HTR6: variants seen among roughly 807,000 people sequenced by gnomAD.
HTR6 encodes 5-hydroxytryptamine receptor 6.
A neutral mutation model predicts 17.4 loss-of-function variants in HTR6; 15 were observed. The observed-to-expected ratio is 0.86, with a 90% confidence interval of 0.58 to 1.33. The LOEUF is 1.33. HTR6 is among the 40% of genes most tolerant of loss of function. HTR6 has a pLI of 0.00. For synonymous variants in HTR6, 326 were observed against 295.5 expected, an observed-to-expected ratio of 1.10 and a Z score of -1.06; for missense variants, 578 against 616.0, an observed-to-expected ratio of 0.94 and a Z score of 0.65.
rs149341177 is a variant in HTR6 at position 19,668,674 on chromosome 1, C to T, written c.714+2207C>T. Among the ~76,000 whole-genome samples, 120 of 152,268 alleles carry T rather than the reference C, an allele frequency of 7.9e-4. 2 individuals carry two copies. Among genetic ancestry groups the T allele is most frequent in the East Asian group, 7.7e-3 (40 of 5,182 alleles). On this transcript the variant is annotated intron_variant, in intron 1 of 2. Transcript: ENST00000289753. ...GCCTCGAGCTCCCACTTCAGCCTCC[C>T]GAGTAGCTGGAATTGCAGGTGCATG...
chr1:19,676,992 C>T (rs2095095230), intron 1 of HTR6, among the ~76,000 whole-genome samples: 1 of 152,180 alleles, frequency 6.6e-6, no homozygotes, highest in Non-Finnish European at 1.5e-5. Context: ...TAGAGGTGGG[C>T]CTAATTTTGT....
In HTR6 at chr1:19,679,759, C is replaced by T. The variant is rs1473755096; in HGVS notation, c.*391C>T. ...AGGCATGGATTAATGCTGGGCTGAA[C>T]CCCTTGCTACTCACAGTGTAGTCCA... On this transcript the variant is annotated 3_prime_UTR_variant, in exon 3 of 3. Coordinates refer to ENST00000289753, the MANE Select transcript of HTR6 (RefSeq NM_000871.3). This position sits in a 1 kb window ranked among gnomAD's most constrained non-coding sequence, Gnocchi z 4.9. Among the ~76,000 whole-genome samples, 3 of 152,222 alleles carry T rather than the reference C, an allele frequency of 2.0e-5. No individual in the cohort carries two copies. Among genetic ancestry groups the T allele is most frequent in the Non-Finnish European group, 2.9e-5 (2 of 68,036 alleles).
At position 19,679,460 on chromosome 1, in the gene HTR6, G is replaced by A; in HGVS notation, c.*92G>A. 1 of 1,436,364 alleles carries A rather than the reference G, an allele frequency of 7.0e-7. No individual in the cohort carries two copies. Among genetic ancestry groups the A allele is most frequent in the Non-Finnish European group, 9.1e-7 (1 of 1,094,436 alleles). 89.0% of individuals were successfully genotyped at this position (1,436,364 alleles called of 1,614,324 possible). ...AGCTCTTGGCTAAGACCAGGAGGCT[G>A]CAAGTCTCCTAGAAGCCCTCTGAGC... On this transcript the variant is annotated 3_prime_UTR_variant, in exon 3 of 3. Coordinates refer to ENST00000289753, the MANE Select transcript of HTR6 (RefSeq NM_000871.3). This position sits in a 1 kb window ranked among gnomAD's most constrained non-coding sequence, Gnocchi z 4.9.
Position 19,665,986 on chromosome 1 carries a change from T to C in HTR6, c.233T>C (p.Val78Ala), listed in dbSNP as rs1425119943. ...ACGTCTGACCTGATGGTGGGGCTGG[T>C]GGTGATGCCGCCGGCCATGCTGAAC... Reference protein sequence around the residue: ...LFTSDLMVGLVVMPPAMLNAL... With the variant: ...LFTSDLMVGLAVMPPAMLNAL... Residue 78 changes from valine (V) to alanine (A), a missense_variant, in exon 1 of 3, where the codon GTG (valine) becomes GCG (alanine). Coordinates refer to ENST00000289753, the MANE Select transcript of HTR6 (RefSeq NM_000871.3). The surrounding 1 kb of genome is among the most constrained non-coding windows in gnomAD (Gnocchi z 4.2). 9 of 1,613,804 alleles carry C rather than the reference T, an allele frequency of 5.6e-6. No individual in the cohort carries two copies. Among genetic ancestry groups the C allele is most frequent in the African/African-American group, 2.7e-5 (2 of 74,944 alleles).
intron 1 of HTR6, among the ~76,000 whole-genome samples, chr1:19,668,326 A>G (rs776763269): frequency 2.0e-5 from 3 of 152,084 alleles, no homozygotes; most frequent in Admixed American, 6.6e-5. Context: ...TGGCGTGATT[A>G]TAGCTCACTG....
intron 1 of HTR6, among the ~76,000 whole-genome samples, chr1:19,671,831 C>T (rs546190708): frequency 6.7e-4 from 102 of 152,120 alleles, no homozygotes; most frequent in Non-Finnish European, 1.2e-3. Flanking sequence ...TTTAAAAGGC[C>T]ACTGGTTGGC....
chr1:19,673,701 AAAATAAAT>A (rs1432802343), intron 1 of HTR6, among the ~76,000 whole-genome samples: 1 of 152,198 alleles, frequency 6.6e-6, no homozygotes, highest in Admixed American at 6.5e-5. Context: ...TTCGTCTCAA[AAAATAAAT>A]AAATAAATAA....
In HTR6 at chr1:19,666,278, C is replaced by A; in HGVS notation, c.525C>A (p.Pro175=). The A allele has an allele frequency of 6.2e-7, 1 of 1,611,300 alleles. No homozygotes were observed. The change falls in exon 1 of 3, where the codon CCC becomes CCA. Residue 175 remains proline, a synonymous_variant. Transcript: ENST00000289753. The surrounding 1 kb of genome is among the most constrained non-coding windows in gnomAD (Gnocchi z 4.5). ...ACGAGCTGGGCCACGCACGGCCACC[C>A]GTCCCTGGCCAGTGCCGCCTGCTGG... ...GWHELGHARP[P]VPGQCRLLAS...
At chr1:19,668,913 G>T (rs2095084690) in intron 1 of HTR6, among the ~76,000 whole-genome samples, 2 of 152,216 alleles carry the variant, frequency 1.3e-5, no homozygotes, top group Non-Finnish European at 2.9e-5. Flanking sequence ...TGGTTGAGGT[G>T]ATGAGCCTAG....
At position 19,678,616 on chromosome 1, in the gene HTR6, T is replaced by C. The variant is rs781284440; in HGVS notation, c.764T>C (p.Leu255Pro). Residue 255 changes from leucine (L) to proline (P), a missense_variant, in exon 2 of 3, where the codon CTA (leucine) becomes CCA (proline). Leu to Pro is a moderately conservative substitution (Grantham distance 98). Coordinates refer to ENST00000289753, the MANE Select transcript of HTR6 (RefSeq NM_000871.3). Reference protein sequence around the residue: ...PGVESADSRRLATKHSRKALK... With the variant: ...PGVESADSRRPATKHSRKALK... Reference sequence around the variant, plus strand: ...GTGGAGTCTGCTGACAGCAGGCGTCTAGCCACGAAGCACAGCAGGAAGGCC... The same window carrying C: ...GTGGAGTCTGCTGACAGCAGGCGTCCAGCCACGAAGCACAGCAGGAAGGCC... The C allele has an allele frequency of 1.1e-5, 18 of 1,613,314 alleles. No homozygotes were observed. Among genetic ancestry groups the C allele is most frequent in the Non-Finnish European group, 1.4e-5 (16 of 1,180,012 alleles).
In HTR6 at chr1:19,665,044, G is replaced by T. The variant is rs554262393; in HGVS notation, c.-710G>T. Among the ~76,000 whole-genome samples the T allele has an allele frequency of 7.9e-5, 12 of 151,518 alleles. No individual in the cohort carries two copies. In the South Asian group the frequency reaches 2.5e-3, roughly 31 times the overall value. Reference sequence around the variant, plus strand: ...GCCAGAGCGCCCCAGGTACCAGTGCGGGCGGGAGACGGAGGCGACCCTGCT... The same window carrying T: ...GCCAGAGCGCCCCAGGTACCAGTGCTGGCGGGAGACGGAGGCGACCCTGCT... On this transcript the variant is annotated 5_prime_UTR_variant, in exon 1 of 3. Transcript: ENST00000289753. The surrounding 1 kb of genome is among the most constrained non-coding windows in gnomAD (Gnocchi z 4.2).
rs142999316 is a variant in HTR6, at chr1:19,668,044, C to T, written c.714+1577C>T. Among the ~76,000 whole-genome samples the T allele has an allele frequency of 8.3e-3, 1,264 of 152,284 alleles. 14 individuals carry two copies. Among genetic ancestry groups the T allele is most frequent in the Non-Finnish European group, 0.014 (925 of 68,008 alleles). ...CCTGTCCCACCCAGGTGGGTGAGGCCCAAAGTTGCCCCTGCCTATCACCTG... is the reference window on the plus strand; with the variant it reads ...CCTGTCCCACCCAGGTGGGTGAGGCTCAAAGTTGCCCCTGCCTATCACCTG... On this transcript the variant is annotated intron_variant, in intron 1 of 2. Coordinates refer to ENST00000289753, the MANE Select transcript of HTR6 (RefSeq NM_000871.3).
At chr1:19,675,696 G>T (rs2095093360) in intron 1 of HTR6, among the ~76,000 whole-genome samples, 1 of 152,048 alleles carries the variant, frequency 6.6e-6, no homozygotes. Context: ...CCCTCCTCAG[G>T]TCACTAAGGG....
chr1:19,672,401 T>TTCC (rs200380142), intron 1 of HTR6, among the ~76,000 whole-genome samples: 2 of 151,408 alleles, frequency 1.3e-5, no homozygotes, highest in Non-Finnish European at 3.0e-5. Context: ...ATCTCTGTCT[T>TTCC]TCCTCCTCCT....
chr1:19,665,657 T>C lies in HTR6; in HGVS notation c.-97T>C, dbSNP rs2095080423. The C allele has an allele frequency of 1.2e-6, 1 of 805,828 alleles. No individual in the cohort carries two copies. Among genetic ancestry groups the C allele is most frequent in the Non-Finnish European group, 1.9e-6 (1 of 522,706 alleles). The allele number at this position is 805,828 out of a possible 1,614,324, so 49.9% of individuals were successfully genotyped here. ...GGGGGGCGTGGTGAGTCGCGGTCTGTTCTCACGGACGGTCCCCGTCCAGCC... is the reference window on the plus strand; with the variant it reads ...GGGGGGCGTGGTGAGTCGCGGTCTGCTCTCACGGACGGTCCCCGTCCAGCC... On this transcript the variant is annotated 5_prime_UTR_variant, in exon 1 of 3. Transcript: ENST00000289753. This position sits in a 1 kb window ranked among gnomAD's most constrained non-coding sequence, Gnocchi z 4.2.
In HTR6 at chr1:19,666,217, C is replaced by T; in HGVS notation, c.464C>T (p.Ala155Val). The T allele has an allele frequency of 6.2e-7, 1 of 1,609,214 alleles. No individual in the cohort carries two copies. Among genetic ancestry groups the T allele is most frequent in the Non-Finnish European group, 8.5e-7 (1 of 1,179,628 alleles). The change falls in exon 1 of 3, where the codon GCT becomes GTT. Residue 155 changes from alanine (A) to valine (V), a missense_variant. Coordinates refer to ENST00000289753, the MANE Select transcript of HTR6 (RefSeq NM_000871.3). This position sits in a 1 kb window ranked among gnomAD's most constrained non-coding sequence, Gnocchi z 4.5. ...GTCCTGGGCGCCTGGAGCCTCGCCG[C>T]TCTCGCCTCCTTCCTGCCCCTGCTG... ...ALVLGAWSLAALASFLPLLLG... is the reference protein window; with the variant it reads ...ALVLGAWSLAVLASFLPLLLG...
In HTR6 at chr1:19,666,616, G is replaced by A. The variant is rs1054103007; in HGVS notation, c.714+149G>A. ...GCCCACCTTTCTTCTGAACTCCAGA[G>A]CCAATGCCTGACCCACCCACCACAG... On this transcript the variant is annotated intron_variant, in intron 1 of 2. Coordinates refer to ENST00000289753, the MANE Select transcript of HTR6 (RefSeq NM_000871.3). This position sits in a 1 kb window ranked among gnomAD's most constrained non-coding sequence, Gnocchi z 4.5. 3 of 631,010 alleles carry A rather than the reference G, an allele frequency of 4.8e-6. No individual in the cohort carries two copies. The highest frequency in any genetic ancestry group is 4.0e-5 in the South Asian group (2 of 50,272). 39.1% of individuals were successfully genotyped at this position (631,010 alleles called of 1,614,324 possible).
rs751769264 is a variant in HTR6 at position 19,679,304 on chromosome 1, T to G, written c.1259T>G (p.Phe420Cys). 3 of 1,608,724 alleles carry G rather than the reference T, an allele frequency of 1.9e-6. No individual in the cohort carries two copies. The highest frequency in any genetic ancestry group is 2.5e-6 in the Non-Finnish European group (3 of 1,178,340). The change falls in exon 3 of 3, where the codon TTC becomes TGC. Residue 420 changes from phenylalanine to cysteine, a missense_variant. Phe to Cys is a radical substitution (Grantham distance 205). Transcript: ENST00000289753. This position sits in a 1 kb window ranked among gnomAD's most constrained non-coding sequence, Gnocchi z 4.9. ...LPTRAAAAVN[F>C]FNIDPAEPEL... ...ACCAGGGCCGCTGCCGCCGTCAATT[T>G]CTTCAACATCGACCCCGCGGAGCCC...
At position 19,666,461 on chromosome 1, in the gene HTR6, G is replaced by T. The variant is rs61285556; in HGVS notation, c.708G>T (p.Thr236=). ...GCATGGCCAGTCAGGCCTCGGAGAC[G>T]CTGCAGGTACCTGGGGTGCGCAGGG... The part of the protein sequence containing the change: ...TTGMASQASE[T]LQVPRTPRPG... The change falls in exon 1 of 3, where the codon ACG becomes ACT. Residue 236 remains threonine, a synonymous_variant. Transcript: ENST00000289753. The surrounding 1 kb of genome is among the most constrained non-coding windows in gnomAD (Gnocchi z 4.5). 5.6e-6 allele frequency: 9 copies of T among 1,605,438 alleles called. No individual in the cohort carries two copies. The highest frequency in any genetic ancestry group is 7.6e-6 in the Non-Finnish European group (9 of 1,176,834).
Sources: allele counts gnomAD v4.1 joint callset (sites outside exome capture counted in the v4.1 genomes callset), GRCh38; gene constraint gnomAD v4.1.1; non-coding constraint Gnocchi (gnomAD v3.1); transcripts MANE v1.5; gene names NCBI Gene and HGNC (gene_info 2026-07-23, HGNC 2026-07-21).